Variants in SEC14L3 observed in about 807,000 individuals in gnomAD.
SEC14L3 encodes the protein SEC14 like lipid binding 3.
SEC14L3 carries 56 observed loss-of-function variants against 57.4 expected under a neutral mutation model. The observed-to-expected ratio is 0.97, with a 90% CI of 0.79 to 1.22. The LOEUF (loss-of-function observed/expected upper bound fraction) is 1.22, where lower values mean the gene tolerates loss of function less well. Ranked by LOEUF, SEC14L3 falls within the 50% of genes most tolerant of loss-of-function variation. SEC14L3 has a pLI of 0.00. For missense variants in SEC14L3, 485 were observed against 511.7 expected, an observed-to-expected ratio of 0.95 and a Z score of 0.50; for synonymous variants, 173 against 194.4, an observed-to-expected ratio of 0.89 and a Z score of 0.92.
At chr22:30,453,227 G>A (rs1935020925) in intron 12 of SEC14L3, among the ~76,000 whole-genome samples, 1 of 152,086 alleles carries the variant, frequency 6.6e-6, no homozygotes, top group South Asian at 2.1e-4. Flanking sequence ...ATGTAGTTTT[G>A]TAACATTCTA....
chr22:30,454,795 ATTG>A (rs1240244072), downstream of SEC14L3, among the ~76,000 whole-genome samples: 12 of 66,038 alleles, frequency 1.8e-4, no homozygotes, highest in African/African-American at 8.0e-4. Flanking sequence ...ATTATATATT[ATTG>A]TATATTATAT....
chr22:30,465,345 C>A (rs895186998), intron 7 of SEC14L3, among the ~76,000 whole-genome samples: 2 of 152,206 alleles, frequency 1.3e-5, no homozygotes, highest in African/African-American at 4.8e-5. Context: ...AATGGAACAG[C>A]CAGATAACCA....
downstream of SEC14L3, among the ~76,000 whole-genome samples, chr22:30,455,185 T>C (rs868384595): frequency 8.3e-6 from 1 of 120,214 alleles, no homozygotes; most frequent in Non-Finnish European, 1.6e-5. Context: ...TATTTAATAT[T>C]TAATATATAA....
intron 8 of SEC14L3, 43 bp from the exon 9 acceptor site, chr22:30,462,235 G>A: frequency 3.2e-6 from 5 of 1,567,032 alleles, no homozygotes; most frequent in South Asian, 2.4e-5. Flanking sequence ...AGCATGGGGG[G>A]CACCAATTAG....
At chr22:30,458,174 A>T (rs1165478045), downstream of SEC14L3, among the ~76,000 whole-genome samples, 1 of 152,180 alleles carries the variant, frequency 6.6e-6, no homozygotes, top group Non-Finnish European at 1.5e-5. Context: ...GAGTTGTGTC[A>T]GGGACTGGGG....
chr22:30,455,179 TA>T (rs1282077742), downstream of SEC14L3, among the ~76,000 whole-genome samples: 1 of 116,138 alleles, frequency 8.6e-6, no homozygotes, highest in Non-Finnish European at 1.6e-5. Flanking sequence ...ATATTATATT[TA>T]ATATTTAATA....
chr22:30,461,451 T>C lies in SEC14L3; in HGVS notation c.940A>G (p.Ile314Val), dbSNP rs199885260. The change falls in exon 11 of 12, where the codon ATC (isoleucine) becomes GTC (valine). Residue 314 changes from isoleucine to valine, a missense_variant. Transcript: ENST00000215812. ...RWQFSSDGAD[I>V]GFGVFLKTKM... ...GTCTTCAGGAAAACTCCGAAGCCGA[T>C]GTCCGCACCATCAGATGAGAACTGC... 2.4e-5 allele frequency: 39 copies of C among 1,613,894 alleles called. No individual in the cohort carries two copies. The highest frequency in any genetic ancestry group is 3.1e-5 in the Non-Finnish European group (37 of 1,179,872).
At chr22:30,463,589 T>C (rs1935332657) in intron 8 of SEC14L3, among the ~76,000 whole-genome samples, 1 of 152,228 alleles carries the variant, frequency 6.6e-6, no homozygotes, top group South Asian at 2.1e-4. Context: ...CCCAGTGGAA[T>C]TGGGTAGAGG....
chr22:30,449,060 C>G (rs1361668693), exon 13 of SEC14L3: 1 of 1,549,160 alleles, frequency 6.5e-7, no homozygotes, highest in African/African-American at 1.4e-5. Flanking sequence ...CTCTTACACA[C>G]AGGCCAGTTA....
chr22:30,458,632 G>A (rs1217955830), downstream of SEC14L3, among the ~76,000 whole-genome samples: 4 of 152,110 alleles, frequency 2.6e-5, no homozygotes, highest in South Asian at 2.1e-4. Flanking sequence ...CAAGCGATCC[G>A]CCCATCTCAG....
At chr22:30,452,889 T>C (rs563303235) in intron 12 of SEC14L3, among the ~76,000 whole-genome samples, 2 of 152,136 alleles carry the variant, frequency 1.3e-5, no homozygotes, top group East Asian at 3.9e-4. Flanking sequence ...AATTTTTTTG[T>C]TGTTTTTTGT....
At chr22:30,449,731 AT>A (rs1214986941) in intron 12 of SEC14L3, among the ~76,000 whole-genome samples, 2 of 151,734 alleles carry the variant, frequency 1.3e-5, no homozygotes, top group East Asian at 1.9e-4. Context: ...TGCCCAACTA[AT>A]TTTTGTATTT....
intron 12 of SEC14L3, among the ~76,000 whole-genome samples, chr22:30,451,654 G>A (rs149412757): frequency 3.9e-5 from 6 of 152,156 alleles, no homozygotes; most frequent in Non-Finnish European, 7.4e-5. Context: ...GAAACAGCTT[G>A]CCGAAACACG....
intron 12 of SEC14L3, among the ~76,000 whole-genome samples, chr22:30,452,183 C>T (rs533446828): frequency 1.3e-5 from 2 of 151,002 alleles, no homozygotes; most frequent in Non-Finnish European, 2.9e-5. Context: ...TTTGCACATG[C>T]GATCCATGAG....
Position 30,461,620 on chromosome 22 carries a change from CACCGAGTGCTCGT to C in SEC14L3, c.833_845del (p.Tyr278CysfsTer39). ...GGTGTGATGAGCCGCGGTTGATCTG[CACCGAGTGCTCGT>C]ACTGAGTCTTCACCTGGTCCCGCAC... On this transcript the variant is annotated frameshift_variant, in exon 10 of 12. Coordinates refer to ENST00000215812, the MANE Select transcript of SEC14L3 (RefSeq NM_174975.5). LOFTEE classifies it high-confidence loss of function. 1 of 1,614,122 alleles carries C rather than the reference CACCGAGTGCTCGT, an allele frequency of 6.2e-7. No individual in the cohort carries two copies. Among genetic ancestry groups the C allele is most frequent in the Non-Finnish European group, 8.5e-7 (1 of 1,180,022 alleles).
rs1427649043 is a variant in SEC14L3, at chr22:30,466,865, A to G, written c.519+117T>C. 1.2e-5 allele frequency: 11 copies of G among 956,458 alleles called. 1 individual carries two copies. In the South Asian group the frequency reaches 1.3e-4, roughly 12 times the overall value. The allele number at this position is 956,458 out of a possible 1,614,324, so 59.2% of individuals were successfully genotyped here. On this transcript the variant is annotated intron_variant, in intron 6 of 11. Transcript: ENST00000215812. ...AAGGCCTTCTGGAGTTTGAGTCACA[A>G]TGAGGGAGCCCAGGACATTTTTAAA... is the stretch of plus-strand genomic sequence containing the variant.
intron 1 of SEC14L3, 144 bp from the exon 2 acceptor site, chr22:30,470,726 A>G: frequency 1.3e-6 from 2 of 1,486,566 alleles, no homozygotes; most frequent in Non-Finnish European, 1.8e-6. Context: ...GGTTGAATAG[A>G]AGGGCAGATG....
chr22:30,455,107 ATATTTAATATTTAATATATAT>A, downstream of SEC14L3, among the ~76,000 whole-genome samples: 1 of 21,116 alleles, frequency 4.7e-5, no homozygotes, highest in African/African-American at 2.1e-4. Flanking sequence ...AATATATTTA[ATATTTAATATTTAATATATAT>A]TATATTTAAT....
At chr22:30,467,887 C>G (rs1015361085) in intron 5 of SEC14L3, among the ~76,000 whole-genome samples, 7 of 152,138 alleles carry the variant, frequency 4.6e-5, no homozygotes, top group African/African-American at 1.7e-4. Context: ...TATTCATATC[C>G]CTGTTTTATA....
Sources: allele counts gnomAD v4.1 joint callset (sites outside exome capture counted in the v4.1 genomes callset), GRCh38; gene constraint gnomAD v4.1.1; transcripts MANE v1.5; gene names NCBI Gene and HGNC (gene_info 2026-07-23, HGNC 2026-07-21).